EFNA5: variants seen among roughly 807,000 people sequenced by gnomAD.
EFNA5 encodes the protein ephrin-A5.
Under a neutral mutation model 22.9 loss-of-function variants are expected in EFNA5, and 5 were observed. That is an observed-to-expected ratio of 0.22 (90% CI 0.11 to 0.46). The LOEUF is 0.46. EFNA5 is among the 20% of genes least tolerant of loss of function. EFNA5 has a pLI of 0.99. For synonymous variants in EFNA5, 113 were observed against 112.2 expected, an observed-to-expected ratio of 1.01 and a Z score of -0.04; for missense variants, 237 against 293.3, an observed-to-expected ratio of 0.81 and a Z score of 1.40.
intron 1 of EFNA5, among the ~76,000 whole-genome samples, chr5:107,541,697 A>G (rs1259773460): frequency 6.6e-6 from 1 of 152,196 alleles, no homozygotes; most frequent in Non-Finnish European, 1.5e-5. Flanking sequence ...AATGAGGAAA[A>G]AAAATTTCTT....
chr5:107,616,986 G>A (rs993373865), intron 1 of EFNA5, among the ~76,000 whole-genome samples: 4 of 152,054 alleles, frequency 2.6e-5, no homozygotes, highest in Non-Finnish European at 5.9e-5. Flanking sequence ...AGGGCAGAGA[G>A]CACATTAGCA....
chr5:107,510,254 T>C (rs152559), intron 1 of EFNA5, among the ~76,000 whole-genome samples: 60,038 of 152,038 alleles, frequency 0.39, 12,401 homozygotes, highest in East Asian at 0.72. Context: ...ACCAGTGCCA[T>C]GACAGTTACA....
At chr5:107,428,463 CAA>C (rs577842673) in intron 1 of EFNA5, among the ~76,000 whole-genome samples, 105 of 152,320 alleles carry the variant, frequency 6.9e-4, no homozygotes, top group Non-Finnish European at 1.0e-3. Context: ...TCTCATCTCA[CAA>C]AAGTTTTGCT....
intron 1 of EFNA5, among the ~76,000 whole-genome samples, chr5:107,543,418 T>G (rs1748086282): frequency 6.6e-6 from 1 of 152,246 alleles, no homozygotes; most frequent in African/African-American, 2.4e-5. Flanking sequence ...CCCTACTTCT[T>G]TCTCATGGCT....
intron 1 of EFNA5, among the ~76,000 whole-genome samples, chr5:107,484,330 T>C (rs538671223): frequency 6.6e-6 from 1 of 152,226 alleles, no homozygotes; most frequent in East Asian, 1.9e-4. Flanking sequence ...CCACTACTAA[T>C]AGAGTCAGCA....
chr5:107,447,640 G>A (rs984714236), intron 1 of EFNA5, among the ~76,000 whole-genome samples: 14 of 152,156 alleles, frequency 9.2e-5, no homozygotes, highest in East Asian at 7.7e-4. Context: ...GACTTCAAAA[G>A]AGTTCAGAAA....
intron 1 of EFNA5, among the ~76,000 whole-genome samples, chr5:107,547,528 A>C (rs112272680): frequency 0.032 from 4,103 of 129,942 alleles, 161 homozygotes; most frequent in African/African-American, 0.13. Flanking sequence ...CTGATGTTCC[A>C]AAAAAAAAAA....
rs182605564 is a variant in EFNA5 at position 107,548,549 on chromosome 5, A to T, written c.126-121040T>A. Among the ~76,000 whole-genome samples, 617 of 152,314 alleles carry T rather than the reference A, an allele frequency of 4.1e-3. 2 individuals carry two copies. The highest frequency in any genetic ancestry group is 0.012 in the South Asian group (58 of 4,828). On this transcript the variant is annotated intron_variant, in intron 1 of 4. Transcript: ENST00000333274. ...TGACAGGTAAAACTTGAAATTTGGG[A>T]AATACGTGCTTGGATTCCTGTTGTA...
At chr5:107,505,010 C>A (rs1225427126) in intron 1 of EFNA5, among the ~76,000 whole-genome samples, 6 of 152,010 alleles carry the variant, frequency 3.9e-5, no homozygotes. Flanking sequence ...TTTTCCGTAT[C>A]TTTAATGCAA....
At chr5:107,562,676 G>A (rs1748576687) in intron 1 of EFNA5, among the ~76,000 whole-genome samples, 1 of 152,122 alleles carries the variant, frequency 6.6e-6, no homozygotes. Context: ...ACTCACCATT[G>A]TGAATATCAA....
intron 1 of EFNA5, among the ~76,000 whole-genome samples, chr5:107,464,260 C>T (rs1749914468): frequency 6.6e-6 from 1 of 152,130 alleles, no homozygotes; most frequent in Non-Finnish European, 1.5e-5. Context: ...TCCTGTCCTC[C>T]AGGGGTATAT....
intron 1 of EFNA5, among the ~76,000 whole-genome samples, chr5:107,494,264 C>T (rs1342265270): frequency 6.6e-6 from 1 of 151,074 alleles, no homozygotes; most frequent in East Asian, 1.9e-4. Context: ...GCGTGAGCTG[C>T]GGGCGGCTGC....
intron 1 of EFNA5, among the ~76,000 whole-genome samples, chr5:107,446,713 C>G (rs1369827149): frequency 6.6e-6 from 1 of 152,006 alleles, no homozygotes; most frequent in East Asian, 1.9e-4. Flanking sequence ...AAGATCACGC[C>G]ACTGCACTCC....
intron 1 of EFNA5, among the ~76,000 whole-genome samples, chr5:107,534,511 C>G (rs1468395604): frequency 6.6e-6 from 1 of 152,198 alleles, no homozygotes; most frequent in Admixed American, 6.5e-5. Flanking sequence ...ACATGCTATT[C>G]TAAATACACT....
rs145249812 is a variant in EFNA5, at chr5:107,443,383, T to A, written c.126-15874A>T. ...GACTATAAGCTGCAGTGCCAGGCACTTGCTGTCCTCTGACATGCATGCCAG... is the reference window on the plus strand; with the variant it reads ...GACTATAAGCTGCAGTGCCAGGCACATGCTGTCCTCTGACATGCATGCCAG... On this transcript the variant is annotated intron_variant, in intron 1 of 4. Coordinates refer to ENST00000333274, the MANE Select transcript of EFNA5 (RefSeq NM_001962.3). Among the ~76,000 whole-genome samples the A allele has an allele frequency of 4.7e-3, 715 of 152,338 alleles. 5 individuals are homozygous for A. The highest frequency in any genetic ancestry group is 0.024 in the Middle Eastern group (7 of 294).
At chr5:107,526,913 G>GA (rs1747706868) in intron 1 of EFNA5, among the ~76,000 whole-genome samples, 1 of 152,014 alleles carries the variant, frequency 6.6e-6, no homozygotes, top group Admixed American at 6.6e-5. Flanking sequence ...GCTTAAAGTG[G>GA]AAAAAAATAG....
rs190558399 is a variant in EFNA5, at chr5:107,601,410, G to A, written c.125+69079C>T. Among the ~76,000 whole-genome samples the A allele has an allele frequency of 3.2e-4, 35 of 108,480 alleles. No individual in the cohort carries two copies. In the South Asian group the frequency reaches 7.7e-3, roughly 24 times the overall value. 71.2% of individuals were successfully genotyped at this position (108,480 alleles called of 152,430 possible). On this transcript the variant is annotated intron_variant, in intron 1 of 4. Coordinates refer to ENST00000333274, the MANE Select transcript of EFNA5 (RefSeq NM_001962.3). ...CCAGTCTCTGCCCACCACTGTACTGGGCTGCACCATCTTCAGGACTGTAGA... is the reference window on the plus strand; with the variant it reads ...CCAGTCTCTGCCCACCACTGTACTGAGCTGCACCATCTTCAGGACTGTAGA...
chr5:107,542,111 T>C (rs1354738464), intron 1 of EFNA5, among the ~76,000 whole-genome samples: 1 of 152,194 alleles, frequency 6.6e-6, no homozygotes, highest in Admixed American at 6.5e-5. Context: ...ATTTCCCATA[T>C]GCTGAAAGAG....
intron 1 of EFNA5, among the ~76,000 whole-genome samples, chr5:107,481,427 A>G (rs1048851566): frequency 6.6e-6 from 1 of 152,220 alleles, no homozygotes; most frequent in Non-Finnish European, 1.5e-5. Context: ...GAAATAAAGG[A>G]TGGTATTTTG....
Sources: gnomAD v4.1 joint callset for allele counts (sites outside exome capture counted in the v4.1 genomes callset) on GRCh38, gnomAD v4.1.1 for gene constraint, MANE v1.5 for transcripts, NCBI Gene and HGNC (gene_info 2026-07-23, HGNC 2026-07-21) for gene names.